TRERF1: variants seen among roughly 807,000 people sequenced by gnomAD.
TRERF1 encodes transcriptional regulating factor 1, also known as transcriptional-regulating factor 1.
TRERF1 carries 27 observed loss-of-function variants against 122.9 expected under a neutral mutation model. The ratio of observed to expected loss-of-function variants is 0.22; its 90% CI spans 0.16 to 0.30. TRERF1 has a LOEUF of 0.30. Among genes scored for constraint, TRERF1 ranks in the 10% least tolerant of loss-of-function variants. TRERF1 has a pLI of 1.00. For missense variants in TRERF1, 1,248 were observed against 1,560.3 expected, an observed-to-expected ratio of 0.80 and a Z score of 3.37; for synonymous variants, 636 against 641.7, an observed-to-expected ratio of 0.99 and a Z score of 0.13.
At chr6:42,265,606 G>C in intron 6 of TRERF1, 145 bp downstream of exon 6, 1 of 869,500 alleles carries the variant, frequency 1.2e-6, no homozygotes, top group Non-Finnish European at 1.8e-6. Flanking sequence ...TTAGCCCATA[G>C]TATGCACTCA....
At chr6:42,273,967 G>C (rs574098562) in intron 4 of TRERF1, among the ~76,000 whole-genome samples, 1 of 152,334 alleles carries the variant, frequency 6.6e-6, no homozygotes, top group Non-Finnish European at 1.5e-5. Context: ...CAAACTGCTA[G>C]GGAAAGGGAT....
intron 3 of TRERF1, among the ~76,000 whole-genome samples, chr6:42,301,223 G>A (rs1172490901): frequency 6.6e-6 from 1 of 151,954 alleles, no homozygotes; most frequent in Non-Finnish European, 1.5e-5. Context: ...GTTTTGTTTT[G>A]TTTTGTTTTG....
chr6:42,339,869 G>A (rs546233277), intron 3 of TRERF1, among the ~76,000 whole-genome samples: 2 of 152,232 alleles, frequency 1.3e-5, no homozygotes, highest in Non-Finnish European at 2.9e-5. Context: ...AATCAGATAC[G>A]TGATTAAGAA....
intron 3 of TRERF1, among the ~76,000 whole-genome samples, chr6:42,324,832 G>A (rs1195190735): frequency 1.3e-5 from 2 of 152,090 alleles, no homozygotes. Context: ...TCATCTGGAC[G>A]TCAGCCTTGG....
Position 42,232,700 on chromosome 6 carries a change from G to C in TRERF1, c.3259C>G (p.Pro1087Ala), listed in dbSNP as rs760324106. 1.2e-6 allele frequency: 2 copies of C among 1,602,268 alleles called. No individual in the cohort carries two copies. The highest frequency in any genetic ancestry group is 4.5e-5 in the East Asian group (2 of 44,502). ...ACCTACTTGCCACACTCCTTGCAGG[G>C]GAAGATGGTGGTGGGGTCTGTCTCG... The change falls in exon 17 of 18, where the codon CCC becomes GCC. Residue 1087 changes from proline to alanine, a missense_variant. Transcript: ENST00000372922. This position sits in a 1 kb window ranked among gnomAD's most constrained non-coding sequence, Gnocchi z 4.5.
intron 2 of TRERF1, among the ~76,000 whole-genome samples, chr6:42,418,831 C>T (rs1782314174): frequency 1.3e-5 from 2 of 152,172 alleles, no homozygotes; most frequent in African/African-American, 4.8e-5. Flanking sequence ...ATGGAAACCA[C>T]CCCCTGCATT....
chr6:42,437,754 C>T (rs868019663), intron 2 of TRERF1, among the ~76,000 whole-genome samples: 4 of 152,206 alleles, frequency 2.6e-5, no homozygotes, highest in Middle Eastern at 3.4e-3. Context: ...ACTAGCCATA[C>T]GACCTTGAAC....
chr6:42,363,994 A>G (rs1220743691), intron 2 of TRERF1, among the ~76,000 whole-genome samples: 3 of 152,330 alleles, frequency 2.0e-5, no homozygotes, highest in African/African-American at 7.2e-5. Context: ...CTAAGTGATC[A>G]TTTAAAAATC....
At chr6:42,445,812 T>C (rs1037521288) in intron 2 of TRERF1, among the ~76,000 whole-genome samples, 6 of 152,202 alleles carry the variant, frequency 3.9e-5, no homozygotes, top group Admixed American at 2.6e-4. Context: ...GCCTCTTTAC[T>C]GTGCTCTGCC....
intron 2 of TRERF1, among the ~76,000 whole-genome samples, chr6:42,425,059 C>A (rs1404268475): frequency 6.6e-6 from 1 of 152,126 alleles, no homozygotes; most frequent in Non-Finnish European, 1.5e-5. Context: ...GGTCTGACCT[C>A]CTCAGCTGAG....
intron 2 of TRERF1, among the ~76,000 whole-genome samples, chr6:42,440,826 A>T (rs559417554): frequency 6.6e-6 from 1 of 152,282 alleles, no homozygotes; most frequent in African/African-American, 2.4e-5. Context: ...GGAGAAAGAA[A>T]GAAGGCAGCT....
chr6:42,401,077 C>T (rs995161588), intron 2 of TRERF1, among the ~76,000 whole-genome samples: 3 of 152,176 alleles, frequency 2.0e-5, no homozygotes, highest in Non-Finnish European at 4.4e-5. Flanking sequence ...TCAAAGCATC[C>T]GGGGCCAATC....
At chr6:42,321,569 C>A (rs945147853) in intron 3 of TRERF1, among the ~76,000 whole-genome samples, 1 of 152,174 alleles carries the variant, frequency 6.6e-6, no homozygotes, top group Non-Finnish European at 1.5e-5. Context: ...ATGCCTTCAG[C>A]GTCATGCAAG....
chr6:42,394,244 C>T (rs971277536), intron 2 of TRERF1, among the ~76,000 whole-genome samples: 1 of 152,036 alleles, frequency 6.6e-6, no homozygotes, highest in African/African-American at 2.4e-5. Context: ...CTCCAACTCT[C>T]CCCCCACAAC....
At chr6:42,266,914 T>C (rs1015848392) in intron 5 of TRERF1, among the ~76,000 whole-genome samples, 9 of 152,226 alleles carry the variant, frequency 5.9e-5, no homozygotes, top group African/African-American at 1.9e-4. Flanking sequence ...CACCACTGCC[T>C]AATGTCTCAT....
At chr6:42,249,040 T>G (rs1258348672) in intron 13 of TRERF1, among the ~76,000 whole-genome samples, 1 of 151,310 alleles carries the variant, frequency 6.6e-6, no homozygotes, top group Non-Finnish European at 1.5e-5. Flanking sequence ...GTAAGAGGAG[T>G]CAGAAAGATA....
intron 3 of TRERF1, among the ~76,000 whole-genome samples, chr6:42,331,001 G>A (rs1254666856): frequency 6.6e-6 from 1 of 152,132 alleles, no homozygotes; most frequent in Non-Finnish European, 1.5e-5. Context: ...TAACGGGGAA[G>A]CTGTAGGGAG....
intron 4 of TRERF1, among the ~76,000 whole-genome samples, chr6:42,297,313 A>G (rs188468261): frequency 1.3e-5 from 2 of 152,352 alleles, no homozygotes; most frequent in Admixed American, 1.3e-4. Context: ...CATTGCTGAG[A>G]TAGTACAAAT....
At chr6:42,415,758 T>C (rs1275384108) in intron 2 of TRERF1, among the ~76,000 whole-genome samples, 7 of 152,142 alleles carry the variant, frequency 4.6e-5, no homozygotes, top group Non-Finnish European at 8.8e-5. Flanking sequence ...GTTATTGTAG[T>C]TTTTTAAAAT....
Sources: allele counts gnomAD v4.1 joint callset (sites outside exome capture counted in the v4.1 genomes callset), GRCh38; gene constraint gnomAD v4.1.1; non-coding constraint Gnocchi (gnomAD v3.1); transcripts MANE v1.5; gene names NCBI Gene and HGNC (gene_info 2026-07-23, HGNC 2026-07-21).